Variants in ARHGAP39 observed in about 807,000 individuals in gnomAD.
ARHGAP39 encodes the protein rho GTPase-activating protein 39.
A neutral mutation model predicts 106.9 loss-of-function variants in ARHGAP39; 44 were observed. That is an observed-to-expected ratio of 0.41 (90% CI 0.32 to 0.53). The LOEUF is 0.53. Among genes scored for constraint, ARHGAP39 ranks in the 20% least tolerant of loss-of-function variants. The pLI is 0.21. For missense variants in ARHGAP39, 1,496 were observed against 1,577.3 expected (o/e 0.95, Z 0.87); for synonymous variants, 768 against 693.2 (o/e 1.11, Z -1.69).
chr8:144,693,267 G>T, the ARHGAP39 span, among the ~76,000 whole-genome samples: 1 of 150,394 alleles, frequency 6.6e-6, no homozygotes, highest in Non-Finnish European at 1.5e-5. Context: ...GTTTCGCCAT[G>T]TTGGCCAGGC....
Position 144,547,065 on chromosome 8 carries a change from G to A in ARHGAP39, c.1959+62C>T. 4 of 1,481,396 alleles carry A rather than the reference G, an allele frequency of 2.7e-6. No individual in the cohort carries two copies. The highest frequency in any genetic ancestry group is 3.6e-6 in the Non-Finnish European group (4 of 1,115,238). 91.8% of individuals were successfully genotyped at this position (1,481,396 alleles called of 1,614,324 possible). A position where few individuals can be genotyped will look rare whatever the true frequency, so the allele number is the denominator to read the frequency against. On this transcript the variant is annotated intron_variant, in intron 5 of 11. Transcript: ENST00000377307. The surrounding 1 kb of genome is among the most constrained non-coding windows in gnomAD (Gnocchi z 5.2). ...CAGGTCTCCTGTGCCTGGCCCACGG[G>A]GTCCACTCTGACTGGGCTGGCCCCA...
chr8:144,533,105 C>T lies in ARHGAP39; in HGVS notation c.2888+21G>A, dbSNP rs201738249. 3.2e-4 allele frequency: 506 copies of T among 1,590,802 alleles called. 2 individuals carry two copies. The African/African-American group carries it at 5.3e-3, about 17-fold the overall frequency. Reference sequence around the variant, plus strand: ...ACATGGCTGTGGCCCCCACACCCGGCGCCCGGGGTTGCCGTGGCACCTGAA... The same window carrying T: ...ACATGGCTGTGGCCCCCACACCCGGTGCCCGGGGTTGCCGTGGCACCTGAA... On this transcript the variant is annotated intron_variant, in intron 9 of 11. Coordinates refer to ENST00000377307, the MANE Select transcript of ARHGAP39 (RefSeq NM_025251.3).
At chr8:144,566,591 C>T (rs1316785648) in intron 3 of ARHGAP39, among the ~76,000 whole-genome samples, 1 of 152,164 alleles carries the variant, frequency 6.6e-6, no homozygotes, top group African/African-American at 2.4e-5. Context: ...TATGGTAGCT[C>T]ATGCCTGTAA....
intron 1 of ARHGAP39, among the ~76,000 whole-genome samples, chr8:144,617,109 A>T (rs1214404957): frequency 6.6e-6 from 1 of 152,090 alleles, no homozygotes; most frequent in Admixed American, 6.5e-5. Flanking sequence ...CGGGAGGCTG[A>T]GGCAGGAGAA....
intron 1 of ARHGAP39, among the ~76,000 whole-genome samples, chr8:144,672,236 G>A (rs1250548974): frequency 6.6e-6 from 1 of 152,184 alleles, no homozygotes; most frequent in Non-Finnish European, 1.5e-5. Flanking sequence ...CAGATTCCGG[G>A]GAAACTTACA....
Position 144,684,933 on chromosome 8 carries a change from G to A in ARHGAP39, c.-82+753C>T, listed in dbSNP as rs1822538411. 6.6e-6 allele frequency among the ~76,000 whole-genome samples: 1 copy of A among 152,140 alleles called. No homozygotes were observed. The highest frequency in any genetic ancestry group is 2.4e-5 in the African/African-American group (1 of 41,448). ...ACAAAGCCCGAGGCTGCACCGCAGC[G>A]CACCGCAGCCCTGCACCCGGGCCGC... On this transcript the variant is annotated intron_variant, in intron 1 of 11. Transcript: ENST00000377307. The surrounding 1 kb of genome is among the most constrained non-coding windows in gnomAD (Gnocchi z 4.4).
chr8:144,686,641 G>A (rs1436518798), upstream of ARHGAP39, among the ~76,000 whole-genome samples: 1 of 152,156 alleles, frequency 6.6e-6, no homozygotes, highest in Non-Finnish European at 1.5e-5. Flanking sequence ...GCCTTGCAGG[G>A]ACTCTCCCGC....
intron 1 of ARHGAP39, among the ~76,000 whole-genome samples, chr8:144,672,806 A>C (rs542604109): frequency 6.6e-6 from 1 of 152,336 alleles, no homozygotes; most frequent in East Asian, 1.9e-4. Context: ...TGCAGATAAG[A>C]GCTCGAGTGC....
At chr8:144,531,896 CAGGG>C (rs1469055907) in intron 10 of ARHGAP39, among the ~76,000 whole-genome samples, 3 of 3,940 alleles carry the variant, frequency 7.6e-4, no homozygotes, top group African/African-American at 5.0e-3. Flanking sequence ...GGGCACAGGG[CAGGG>C]AGCAGCAGGT....
At chr8:144,675,607 G>A (rs901074858) in intron 1 of ARHGAP39, among the ~76,000 whole-genome samples, 25 of 151,438 alleles carry the variant, frequency 1.7e-4, no homozygotes, top group African/African-American at 5.8e-4. Context: ...TTTGTGGTTA[G>A]TGTTACAGCT....
At chr8:144,699,856 C>T in the ARHGAP39 span, among the ~76,000 whole-genome samples, 1 of 152,158 alleles carries the variant, frequency 6.6e-6, no homozygotes. Context: ...GTCGGGGGCC[C>T]CCAGCCTGTC....
At chr8:144,583,477 A>C (rs1586579120) in intron 2 of ARHGAP39, among the ~76,000 whole-genome samples, 1 of 152,010 alleles carries the variant, frequency 6.6e-6, no homozygotes, top group Admixed American at 6.6e-5. Flanking sequence ...CTGGGTGCCC[A>C]CTAAGGTTCC....
At chr8:144,700,069 A>G in the ARHGAP39 span, among the ~76,000 whole-genome samples, 3 of 152,116 alleles carry the variant, frequency 2.0e-5, no homozygotes, top group Non-Finnish European at 2.9e-5. This position sits in a 1 kb window ranked among gnomAD's most constrained non-coding sequence, Gnocchi z 5.6. Context: ...GTCCCACCCA[A>G]CGGCCGCTCC....
At chr8:144,575,566 T>A (rs1393588422) in intron 3 of ARHGAP39, among the ~76,000 whole-genome samples, 2 of 152,128 alleles carry the variant, frequency 1.3e-5, no homozygotes, top group Non-Finnish European at 1.5e-5. Context: ...CATTGCCACA[T>A]GGTGTCCTGG....
intron 3 of ARHGAP39, among the ~76,000 whole-genome samples, chr8:144,566,876 AG>A (rs1428265426): frequency 2.0e-5 from 3 of 150,492 alleles, no homozygotes; most frequent in African/African-American, 7.5e-5. Context: ...AAAAAAAAAA[AG>A]AAATAAAGGA....
intron 3 of ARHGAP39, among the ~76,000 whole-genome samples, chr8:144,556,955 T>C (rs77565147): frequency 9.2e-5 from 13 of 140,794 alleles, no homozygotes; most frequent in Non-Finnish European, 1.5e-4. Context: ...TGAACCTTCA[T>C]AGTATTCAGT....
At chr8:144,545,906 CCCA>C in intron 5 of ARHGAP39, 96 bp from the exon 6 acceptor site, 1 of 1,092,356 alleles carries the variant, frequency 9.2e-7, no homozygotes, top group Non-Finnish European at 1.3e-6. Flanking sequence ...GAGCTGGGGC[CCCA>C]CCAGAGCCAG....
chr8:144,633,251 G>A (rs1052992487), intron 1 of ARHGAP39, among the ~76,000 whole-genome samples: 7 of 152,226 alleles, frequency 4.6e-5, no homozygotes, highest in South Asian at 2.1e-4. Context: ...GAGGTCAGGA[G>A]ATTGGGACCA....
In ARHGAP39 at chr8:144,548,175, G is replaced by T; in HGVS notation, c.911C>A (p.Pro304Gln). 1 of 1,578,034 alleles carries T rather than the reference G, an allele frequency of 6.3e-7. No homozygotes were observed. The highest frequency in any genetic ancestry group is 8.6e-7 in the Non-Finnish European group (1 of 1,161,056). Reference sequence around the variant, plus strand: ...GAGCGGGGGTTCATAGCCATAGCGCGGGGAGGAGGGCTGCGAGTCCCCGGA... The same window carrying T: ...GAGCGGGGGTTCATAGCCATAGCGCTGGGAGGAGGGCTGCGAGTCCCCGGA... Reference protein sequence around the residue: ...KPSGDSQPSSPRYGYEPPLYE... With the variant: ...KPSGDSQPSSQRYGYEPPLYE... The change falls in exon 5 of 12, where the codon CCG becomes CAG. Residue 304 changes from proline (P) to glutamine (Q), a missense_variant. By Grantham distance (76) the Pro-to-Gln change is moderately conservative. This residue lies in a region of ARHGAP39 where 905 missense variants were observed against 816.4 expected (regional missense o/e 1.11). Coordinates refer to ENST00000377307, the MANE Select transcript of ARHGAP39 (RefSeq NM_025251.3). The surrounding 1 kb of genome is among the most constrained non-coding windows in gnomAD (Gnocchi z 7.4).
Sources: gnomAD v4.1 joint callset for allele counts (sites outside exome capture counted in the v4.1 genomes callset) on GRCh38, gnomAD v4.1.1 for gene constraint, gnomAD v4.1.1 regional missense constraint, Gnocchi (gnomAD v3.1) non-coding constraint, MANE v1.5 for transcripts, NCBI Gene and HGNC (gene_info 2026-07-23, HGNC 2026-07-21) for gene names.